Variants in PLPP4 observed in about 807,000 individuals in gnomAD.
PLPP4 encodes the protein diacylglycerol pyrophosphate like 2.
A neutral mutation model predicts 32.2 loss-of-function variants in PLPP4; 20 were observed. That is an observed-to-expected ratio of 0.62 (90% CI 0.44 to 0.90). The LOEUF is 0.90. PLPP4 is among the 40% of genes least tolerant of loss of function. The pLI is 0.00. For synonymous variants in PLPP4, 127 were observed against 133.0 expected (o/e 0.95, Z 0.31); for missense variants, 257 against 353.1 (o/e 0.73, Z 2.18).
intron 1 of PLPP4, among the ~76,000 whole-genome samples, chr10:120,495,795 G>C (rs1473118158): frequency 3.9e-5 from 6 of 152,104 alleles, no homozygotes; most frequent in Admixed American, 1.3e-4. Flanking sequence ...AAAGAAGGTG[G>C]GGCAGCCTTC....
intron 5 of PLPP4, among the ~76,000 whole-genome samples, chr10:120,550,448 A>T (rs1051359229): frequency 6.6e-6 from 1 of 151,910 alleles, no homozygotes; most frequent in Non-Finnish European, 1.5e-5. Context: ...ATTTATATGA[A>T]AATCCAAAGG....
chr10:120,536,671 C>A (rs372937506), intron 5 of PLPP4, among the ~76,000 whole-genome samples: 657 of 124,494 alleles, frequency 5.3e-3, no homozygotes, highest in Non-Finnish European at 6.1e-3. Context: ...AAAGCACAGG[C>A]AAAAAAAAAA....
At chr10:120,543,011 T>C (rs1399162756) in intron 5 of PLPP4, among the ~76,000 whole-genome samples, 3 of 152,104 alleles carry the variant, frequency 2.0e-5, no homozygotes, top group Non-Finnish European at 2.9e-5. Flanking sequence ...ATGAAGAACG[T>C]GGTAATGTGT....
chr10:120,477,718 T>A (rs1476526956), intron 1 of PLPP4, among the ~76,000 whole-genome samples: 2 of 152,214 alleles, frequency 1.3e-5, no homozygotes, highest in Non-Finnish European at 2.9e-5. Context: ...GGAGGGGCCT[T>A]GGCTATTGTG....
chr10:120,523,878 ATCTCAAGC>A (rs1846276909), intron 5 of PLPP4, among the ~76,000 whole-genome samples: 1 of 152,210 alleles, frequency 6.6e-6, no homozygotes, highest in South Asian at 2.1e-4. Flanking sequence ...TCATGTGAAT[ATCTCAAGC>A]TGTCAGACTA....
chr10:120,462,068 G>T (rs1355128267), intron 1 of PLPP4, among the ~76,000 whole-genome samples: 2 of 152,214 alleles, frequency 1.3e-5, no homozygotes, highest in Non-Finnish European at 2.9e-5. Context: ...CTGAGAAGGA[G>T]GATGCATGTG....
rs753043252 is a variant in PLPP4, at chr10:120,503,965, T to A, written c.165+39T>A. The A allele has an allele frequency of 4.4e-6, 6 of 1,377,110 alleles. No individual in the cohort carries two copies. The East Asian group carries it at 1.4e-4, about 31-fold the overall frequency. The allele number at this position is 1,377,110 out of a possible 1,614,324, so 85.3% of individuals were successfully genotyped here. ...TTTCATTCCTTATTTGACTGCTCTC[T>A]CAAAGATGAACCAAATGGGTTTTCA... On this transcript the variant is annotated intron_variant, in intron 2 of 6. Transcript: ENST00000398250.
intron 5 of PLPP4, among the ~76,000 whole-genome samples, chr10:120,528,675 C>G (rs1032076710): frequency 6.6e-6 from 1 of 152,094 alleles, no homozygotes; most frequent in African/African-American, 2.4e-5. Flanking sequence ...GAAGACTCCC[C>G]CTAGATCCTG....
intron 2 of PLPP4, 36 bp downstream of exon 2, chr10:120,503,962 C>T: frequency 3.6e-6 from 5 of 1,396,440 alleles, no homozygotes; most frequent in South Asian, 1.2e-5. Flanking sequence ...TTTGACTGCT[C>T]TCTCAAAGAT....
At position 120,503,847 on chromosome 10, in the gene PLPP4, G is replaced by C. The variant is rs755654404; in HGVS notation, c.86G>C (p.Arg29Thr). Residue 29 changes from arginine (R) to threonine (T), a missense_variant, in exon 2 of 7, where the codon AGA becomes ACA. By Grantham distance (71) the Arg-to-Thr change is moderately conservative. Coordinates refer to ENST00000398250, the MANE Select transcript of PLPP4 (RefSeq NM_001030059.3). ...ACAGAGTTTTTGGATCCGTTCCAGA[G>C]AGTCATCCAGCCAGAAGAGATCTGG... ...VFTEFLDPFQRVIQPEEIWLY... is the reference protein window; with the variant it reads ...VFTEFLDPFQTVIQPEEIWLY... 6.2e-7 allele frequency: 1 copy of C among 1,613,990 alleles called. No homozygotes were observed. Among genetic ancestry groups the C allele is most frequent in the Non-Finnish European group, 8.5e-7 (1 of 1,179,878 alleles).
intron 2 of PLPP4, among the ~76,000 whole-genome samples, chr10:120,508,611 A>G (rs1845603894): frequency 6.6e-6 from 1 of 152,168 alleles, no homozygotes; most frequent in African/African-American, 2.4e-5. Flanking sequence ...GGTGCCTTAC[A>G]TCAGCAGGTG....
At chr10:120,467,048 G>C (rs1848356567) in intron 1 of PLPP4, among the ~76,000 whole-genome samples, 1 of 151,932 alleles carries the variant, frequency 6.6e-6, no homozygotes, top group Non-Finnish European at 1.5e-5. Context: ...CATAATCCAA[G>C]AAAAAGAAAT....
Position 120,469,259 on chromosome 10 carries a change from G to C in PLPP4, c.56+11898G>C, listed in dbSNP as rs1457850376. ...TTTTTTTTTTTTGAGACAGAGTCTT[G>C]CTCTGTCACCCAGGCTGGAGTGCAG... On this transcript the variant is annotated intron_variant, in intron 1 of 6. Coordinates refer to ENST00000398250, the MANE Select transcript of PLPP4 (RefSeq NM_001030059.3). Among the ~76,000 whole-genome samples the C allele has an allele frequency of 4.4e-5, 4 of 91,814 alleles. 2 individuals are homozygous for C. Among genetic ancestry groups the C allele is most frequent in the Non-Finnish European group, 9.5e-5 (4 of 42,082 alleles). The allele number at this position is 91,814 out of a possible 152,430, so 60.2% of individuals were successfully genotyped here.
intron 1 of PLPP4, among the ~76,000 whole-genome samples, chr10:120,481,180 G>T (rs542962200): frequency 3.9e-5 from 6 of 152,310 alleles, no homozygotes; most frequent in Middle Eastern, 3.4e-3. Context: ...GTTGGATCTT[G>T]TACCCCTGTA....
intron 5 of PLPP4, among the ~76,000 whole-genome samples, chr10:120,533,330 A>T (rs955754175): frequency 6.6e-6 from 1 of 152,140 alleles, no homozygotes; most frequent in African/African-American, 2.4e-5. Context: ...AAAATTTTCT[A>T]TGCAAATCCT....
rs1402393675 is a variant in PLPP4, at chr10:120,506,777, G to A, written c.165+2851G>A. ...AATGTCACTGGAAGCCTCCTAACTT[G>A]CACTTTCGCTGTCTGTGGCACCATT... is the stretch of plus-strand genomic sequence containing the variant. On this transcript the variant is annotated intron_variant, in intron 2 of 6. Coordinates refer to ENST00000398250, the MANE Select transcript of PLPP4 (RefSeq NM_001030059.3). Among the ~76,000 whole-genome samples, 22 of 152,318 alleles carry A rather than the reference G, an allele frequency of 1.4e-4. No homozygotes were observed. In the East Asian group the frequency reaches 4.0e-3, roughly 28 times the overall value.
At chr10:120,530,674 A>G (rs565528534) in intron 5 of PLPP4, among the ~76,000 whole-genome samples, 2 of 152,328 alleles carry the variant, frequency 1.3e-5, no homozygotes, top group African/African-American at 4.8e-5. Flanking sequence ...AGTATCTATG[A>G]GTGGCATTGC....
At chr10:120,551,756 C>A (rs1847912898) in intron 5 of PLPP4, among the ~76,000 whole-genome samples, 1 of 152,132 alleles carries the variant, frequency 6.6e-6, no homozygotes, top group Non-Finnish European at 1.5e-5. Flanking sequence ...GAAATGTTCT[C>A]TATGTTTATT....
chr10:120,534,524 AT>A (rs35410473), intron 5 of PLPP4, among the ~76,000 whole-genome samples: 6 of 151,248 alleles, frequency 4.0e-5, no homozygotes, highest in Non-Finnish European at 7.4e-5. Context: ...TTCTTTGCGT[AT>A]TTTTTTTCTG....
Sources: gnomAD v4.1 joint callset for allele counts (sites outside exome capture counted in the v4.1 genomes callset) on GRCh38, gnomAD v4.1.1 for gene constraint, MANE v1.5 for transcripts, NCBI Gene and HGNC (gene_info 2026-07-23, HGNC 2026-07-21) for gene names.